Variants in INSYN1 observed in about 807,000 individuals in gnomAD.
The protein encoded by INSYN1 is inhibitory synaptic factor 1.
Under a neutral mutation model 17.1 loss-of-function variants are expected in INSYN1, and 7 were observed. The ratio of observed to expected loss-of-function variants is 0.41; its 90% CI spans 0.23 to 0.77. The LOEUF is 0.77. Ranked by LOEUF, INSYN1 falls within the 30% of genes least tolerant of loss-of-function variation. The pLI, the probability that INSYN1 is intolerant of heterozygous loss-of-function variation, is 0.32. For synonymous variants in INSYN1, 174 were observed against 166.3 expected, an observed-to-expected ratio of 1.05 and a Z score of -0.36; for missense variants, 339 against 400.6, an observed-to-expected ratio of 0.85 and a Z score of 1.31.
chr15:73,745,034 G>C (rs1202995273), intron 2 of INSYN1, among the ~76,000 whole-genome samples: 1 of 141,584 alleles, frequency 7.1e-6, no homozygotes, highest in Non-Finnish European at 1.5e-5. Flanking sequence ...CCTCGTGCCA[G>C]AGGTGTCCCC....
chr15:73,748,912 C>T (rs908202693), intron 2 of INSYN1, among the ~76,000 whole-genome samples: 22 of 152,170 alleles, frequency 1.4e-4, no homozygotes, highest in Non-Finnish European at 2.5e-4. Flanking sequence ...CAGTGGCATA[C>T]GGGGTAGGCT....
chr15:73,751,044 C>A lies in INSYN1; in HGVS notation c.87G>T (p.Met29Ile). 1 of 1,614,142 alleles carries A rather than the reference C, an allele frequency of 6.2e-7. No individual in the cohort carries two copies. Among genetic ancestry groups the A allele is most frequent in the Non-Finnish European group, 8.5e-7 (1 of 1,180,036 alleles). Residue 29 changes from methionine (M) to isoleucine (I), a missense_variant, in exon 2 of 3, where the codon ATG becomes ATT. Met to Ile is a conservative substitution (Grantham distance 10). Coordinates refer to ENST00000569673, the MANE Select transcript of INSYN1 (RefSeq NM_001039614.3). The stretch of plus-strand genomic sequence containing the variant: ...CCTCAAGCTGCCCGATGACCATCTT[C>A]ATGCGCTGTCGAATCCGCTCCCGCT... ...GGERERIRQR[M>I]KMVIGQLEGI...
chr15:73,747,646 G>A (rs779716134), intron 2 of INSYN1, among the ~76,000 whole-genome samples: 1 of 152,124 alleles, frequency 6.6e-6, no homozygotes, highest in African/African-American at 2.4e-5. Flanking sequence ...AGTAACTTTC[G>A]CAAGTTCACA....
intron 2 of INSYN1, among the ~76,000 whole-genome samples, chr15:73,745,129 A>G (rs1464064532): frequency 6.6e-6 from 1 of 151,960 alleles, no homozygotes; most frequent in Non-Finnish European, 1.5e-5. Context: ...ACTTCCTCCC[A>G]GCTCTTGCTT....
chr15:73,746,497 T>C (rs975681707), intron 2 of INSYN1, among the ~76,000 whole-genome samples: 1 of 152,186 alleles, frequency 6.6e-6, no homozygotes, highest in Non-Finnish European at 1.5e-5. Flanking sequence ...CCTATGGCTT[T>C]CCCTGCCACC....
At chr15:73,750,278 G>C (rs1013306681) in intron 2 of INSYN1, among the ~76,000 whole-genome samples, 2 of 152,194 alleles carry the variant, frequency 1.3e-5, no homozygotes, top group Non-Finnish European at 2.9e-5. Flanking sequence ...GACAGAGAGG[G>C]ACACACACAT....
At chr15:73,747,488 A>T (rs541947330) in intron 2 of INSYN1, among the ~76,000 whole-genome samples, 2 of 152,316 alleles carry the variant, frequency 1.3e-5, no homozygotes, top group East Asian at 3.9e-4. Flanking sequence ...ACAGATACGG[A>T]GTGAGCTTTG....
rs1312791160 is a variant in INSYN1 at position 73,752,510 on chromosome 15, G to C, written c.-968C>G. The C allele has an allele frequency of 6.6e-6, 1 of 152,210 alleles. No individual in the cohort carries two copies. Among genetic ancestry groups the C allele is most frequent in the African/African-American group, 2.4e-5 (1 of 41,420 alleles). 9.4% of individuals were successfully genotyped at this position (152,210 alleles called of 1,614,324 possible). A position where few individuals can be genotyped will look rare whatever the true frequency, so the allele number is the denominator to read the frequency against. On this transcript the variant is annotated 5_prime_UTR_variant, in exon 1 of 3. Transcript: ENST00000569673. This position sits in a 1 kb window ranked among gnomAD's most constrained non-coding sequence, Gnocchi z 5.2. Reference sequence around the variant, plus strand: ...CCTCAGCCCACGCCCGGCATTCCCCGGGCTCTGCACCGTCCGGGATTCGCT... The same window carrying C: ...CCTCAGCCCACGCCCGGCATTCCCCCGGCTCTGCACCGTCCGGGATTCGCT...
intron 2 of INSYN1, among the ~76,000 whole-genome samples, chr15:73,743,245 G>A (rs1901733716): frequency 6.6e-6 from 1 of 152,230 alleles, no homozygotes; most frequent in Non-Finnish European, 1.5e-5. Context: ...TGGGCCTCAG[G>A]CAGGGAAGAT....
In INSYN1 at chr15:73,739,922, T is replaced by A; in HGVS notation, c.877A>T (p.Asn293Tyr). 9.5e-6 allele frequency: 15 copies of A among 1,582,640 alleles called. No homozygotes were observed. The highest frequency in any genetic ancestry group is 1.4e-5 in the African/African-American group (1 of 73,930). The change falls in exon 3 of 3, where the codon AAC (asparagine) becomes TAC (tyrosine). Residue 293 changes from asparagine (N) to tyrosine (Y), a missense_variant. Asn to Tyr is a moderately radical substitution (Grantham distance 143). Transcript: ENST00000569673. The stretch of plus-strand genomic sequence containing the variant: ...CCCGGCCCCCTCCCCGGCCCCTAGT[T>A]TTTCCCCCTGGCTTTCTGTCTAGTG... ...TATRQKARGK[N>Y]
intron 2 of INSYN1, among the ~76,000 whole-genome samples, chr15:73,742,006 T>C (rs1322414112): frequency 6.6e-6 from 1 of 152,178 alleles, no homozygotes; most frequent in Non-Finnish European, 1.5e-5. Flanking sequence ...GGTCAACCAT[T>C]TTTCCTCTGT....
chr15:73,744,788 T>G (rs866850090), intron 2 of INSYN1, among the ~76,000 whole-genome samples: 10 of 152,062 alleles, frequency 6.6e-5, no homozygotes, highest in Middle Eastern at 6.8e-3. Context: ...AATTACAGAA[T>G]CAGACAACCC....
In INSYN1 at chr15:73,735,838, T is replaced by G. The variant is rs1028927521; in HGVS notation, c.*4079A>C. On this transcript the variant is annotated 3_prime_UTR_variant, in exon 3 of 3. Transcript: ENST00000569673. ...GAAGCTACTTAGACATAAGTAAGAT[T>G]GCTTATCTCATACGTGCTGTGAGGA... The G allele has an allele frequency of 6.6e-6, 1 of 152,260 alleles. No individual in the cohort carries two copies. The highest frequency in any genetic ancestry group is 2.4e-5 in the African/African-American group (1 of 41,464). The allele number at this position is 152,260 out of a possible 1,614,324, so 9.4% of individuals were successfully genotyped here.
At chr15:73,750,647 A>C (rs993871457) in intron 2 of INSYN1, among the ~76,000 whole-genome samples, 2 of 152,122 alleles carry the variant, frequency 1.3e-5, no homozygotes, top group Non-Finnish European at 2.9e-5. Flanking sequence ...TGGGTCCCAG[A>C]AGGTTGTCTT....
chr15:73,745,402 C>CGAGA (rs1901797933), intron 2 of INSYN1, among the ~76,000 whole-genome samples: 1 of 152,164 alleles, frequency 6.6e-6, no homozygotes, highest in Non-Finnish European at 1.5e-5. Flanking sequence ...GTCTTCACTT[C>CGAGA]GAGAAGGAAG....
In INSYN1 at chr15:73,751,310, T is replaced by G. The variant is rs1490746845; in HGVS notation, c.-180A>C. 1 of 644,392 alleles carries G rather than the reference T, an allele frequency of 1.6e-6. No individual in the cohort carries two copies. The highest frequency in any genetic ancestry group is 1.8e-5 in the African/African-American group (1 of 54,574). The allele number at this position is 644,392 out of a possible 1,614,324, so 39.9% of individuals were successfully genotyped here. Reference sequence around the variant, plus strand: ...CCCCTGCCACCCAGCCTCCTCTGCCTCTGGGTGGAGAGTGGGACACCCAGA... The same window carrying G: ...CCCCTGCCACCCAGCCTCCTCTGCCGCTGGGTGGAGAGTGGGACACCCAGA... On this transcript the variant is annotated 5_prime_UTR_variant, in exon 2 of 3. Coordinates refer to ENST00000569673, the MANE Select transcript of INSYN1 (RefSeq NM_001039614.3).
chr15:73,749,456 C>CA (rs1901920304), intron 2 of INSYN1, among the ~76,000 whole-genome samples: 1 of 152,164 alleles, frequency 6.6e-6, no homozygotes, highest in Non-Finnish European at 1.5e-5. Flanking sequence ...GGAGTTGTAT[C>CA]AGAGTTGACT....
chr15:73,753,207 C>G lies in INSYN1; in HGVS notation c.-1665G>C, dbSNP rs1272251846. Among the ~76,000 whole-genome samples, 4 of 144,330 alleles carry G rather than the reference C, an allele frequency of 2.8e-5. No homozygotes were observed. Among genetic ancestry groups the G allele is most frequent in the Admixed American group, 6.8e-5 (1 of 14,626 alleles). The allele number at this position is 144,330 out of a possible 152,430, so 94.7% of individuals were successfully genotyped here. On this transcript the variant is annotated 5_prime_UTR_variant, in exon 1 of 3. Transcript: ENST00000569673. The surrounding 1 kb of genome is among the most constrained non-coding windows in gnomAD (Gnocchi z 4.2). ...GCCTGGGCCCGCTCCCCAAGCGCCG[C>G]GGCGCCGCGCCGCCCGCGCCCCGGC...
chr15:73,745,030 G>C (rs982365615), intron 2 of INSYN1, among the ~76,000 whole-genome samples: 3 of 151,966 alleles, frequency 2.0e-5, no homozygotes, highest in Non-Finnish European at 4.4e-5. Context: ...CAAACCTCGT[G>C]CCAGAGGTGT....
Sources: gnomAD v4.1 joint callset for allele counts (sites outside exome capture counted in the v4.1 genomes callset) on GRCh38, gnomAD v4.1.1 for gene constraint, Gnocchi (gnomAD v3.1) non-coding constraint, MANE v1.5 for transcripts, NCBI Gene and HGNC (gene_info 2026-07-23, HGNC 2026-07-21) for gene names.